The following URB1 variants were observed in gnomAD, a reference collection of about 807,000 sequenced individuals.
URB1 encodes nucleolar pre-ribosomal-associated protein 1.
A neutral mutation model predicts 242.3 loss-of-function variants in URB1; 197 were observed. The ratio of observed to expected loss-of-function variants is 0.81; its 90% CI spans 0.72 to 0.91. The LOEUF is 0.91. URB1 is among the 40% of genes least tolerant of loss of function. The pLI, the probability that URB1 is intolerant of heterozygous loss-of-function variation, is 0.00. For synonymous variants in URB1, 1,153 were observed against 1,201.8 expected (o/e 0.96, Z 0.84); for missense variants, 2,721 against 2,860.5 (o/e 0.95, Z 1.11).
chr21:32,345,284 T>C (rs574488560), intron 23 of URB1, 90 bp downstream of exon 23: 6 of 1,365,794 alleles, frequency 4.4e-6, no homozygotes, highest in African/African-American at 1.4e-5. Context: ...ACAACAGTAA[T>C]GCAGCAGTTT....
In URB1 at chr21:32,314,831, G is replaced by A; in HGVS notation, c.*87C>T. The A allele has an allele frequency of 6.7e-7, 1 of 1,502,302 alleles. No homozygotes were observed. Among genetic ancestry groups the A allele is most frequent in the South Asian group, 1.3e-5 (1 of 77,326 alleles). 93.1% of individuals were successfully genotyped at this position (1,502,302 alleles called of 1,614,324 possible). On this transcript the variant is annotated 3_prime_UTR_variant, in exon 39 of 39. Coordinates refer to ENST00000382751, the MANE Select transcript of URB1 (RefSeq NM_014825.3). ...CCTGTTGTTTCCCATGCCTTCTCTG[G>A]AAACCCTTGACTCAACCAAACTTCT...
chr21:32,341,661 G>C (rs769797586), intron 24 of URB1, 137 bp from the exon 25 acceptor site: 1 of 741,848 alleles, frequency 1.3e-6, no homozygotes, highest in Non-Finnish European at 2.2e-6. Flanking sequence ...CATGATCAAA[G>C]GGTTGAAAAG....
chr21:32,368,212 C>G (rs771399814), intron 9 of URB1, among the ~76,000 whole-genome samples, 191 bp downstream of exon 9: 1 of 151,926 alleles, frequency 6.6e-6, no homozygotes, highest in Non-Finnish European at 1.5e-5. Context: ...GGATTACAGG[C>G]GCACACCACC....
intron 31 of URB1, 72 bp downstream of exon 31, chr21:32,325,157 C>A (rs199752965): frequency 2.6e-5 from 38 of 1,475,308 alleles, no homozygotes; most frequent in Non-Finnish European, 3.4e-5. Flanking sequence ...TCTACCAAAC[C>A]GGGTGGACAG....
chr21:32,392,535 T>C (rs2033651284), intron 1 of URB1, among the ~76,000 whole-genome samples: 1 of 152,180 alleles, frequency 6.6e-6, no homozygotes, highest in Non-Finnish European at 1.5e-5. Flanking sequence ...GGGAAATAAA[T>C]GTGTTGTAAC....
At chr21:32,329,342 T>C (rs1053727739) in intron 30 of URB1, among the ~76,000 whole-genome samples, 12 of 152,192 alleles carry the variant, frequency 7.9e-5, no homozygotes, top group African/African-American at 2.9e-4. Context: ...AAATCTTCCT[T>C]ACACCTCTTT....
Position 32,319,300 on chromosome 21 carries a change from G to T in URB1, c.5709C>A (p.Ser1903Arg), listed in dbSNP as rs1454106105. Residue 1903 changes from serine to arginine, a missense_variant, in exon 36 of 39, where the codon AGC becomes AGA. Coordinates refer to ENST00000382751, the MANE Select transcript of URB1 (RefSeq NM_014825.3). ...CAAGCCGCTTGGCAGGCTCCTGGGAGCTAGGCTGGCAAAGGCGCTGGCTCT... is the reference window on the plus strand; with the variant it reads ...CAAGCCGCTTGGCAGGCTCCTGGGATCTAGGCTGGCAAAGGCGCTGGCTCT... ...EWESQRLCQP[S>R]SQEPAKRLAL... 2.6e-6 allele frequency: 4 copies of T among 1,551,258 alleles called. No individual in the cohort carries two copies. Among genetic ancestry groups the T allele is most frequent in the Middle Eastern group, 3.3e-4 (2 of 5,990 alleles).
chr21:32,360,928 C>G, intron 13 of URB1, 79 bp downstream of exon 13: 1 of 1,031,458 alleles, frequency 9.7e-7, no homozygotes, highest in Non-Finnish European at 1.4e-6. Flanking sequence ...ACCAGCCTTC[C>G]TGATTCTTGG....
chr21:32,347,575 C>T lies in URB1; in HGVS notation c.3249G>A (p.Val1083=), dbSNP rs1231514882. ...ARYSEAITQS[V]LKELQNRRAG... ...CCCTCCTGTTCTGAAGTTCCTTCAG[C>T]ACACTCTGGGTGATGGCCTCTGAGT... The change falls in exon 22 of 39, where the codon GTG becomes GTA. Residue 1083 remains valine (V), a synonymous_variant. Coordinates refer to ENST00000382751, the MANE Select transcript of URB1 (RefSeq NM_014825.3). 4.5e-6 allele frequency: 7 copies of T among 1,551,326 alleles called. No individual in the cohort carries two copies. The highest frequency in any genetic ancestry group is 6.1e-6 in the Non-Finnish European group (7 of 1,146,786).
chr21:32,328,329 G>C (rs1473815021), intron 30 of URB1, among the ~76,000 whole-genome samples: 1 of 152,096 alleles, frequency 6.6e-6, no homozygotes, highest in Admixed American at 6.5e-5. Flanking sequence ...GTAGAGACGG[G>C]GTTTCACCAT....
In URB1 at chr21:32,345,652, T is replaced by C. The variant is rs915639460; in HGVS notation, c.3869-77A>G. On this transcript the variant is annotated intron_variant, in intron 22 of 38. Transcript: ENST00000382751. The stretch of plus-strand genomic sequence containing the variant: ...CCAGCTTGGACCAGCTCCTAGGAAC[T>C]GGTTGCTATATTTTAGGTATCCTGT... 5 of 1,411,254 alleles carry C rather than the reference T, an allele frequency of 3.5e-6. No individual in the cohort carries two copies. In the Admixed American group the frequency reaches 1.0e-4, roughly 28 times the overall value. 87.4% of individuals were successfully genotyped at this position (1,411,254 alleles called of 1,614,324 possible).
intron 13 of URB1, among the ~76,000 whole-genome samples, chr21:32,360,712 G>T (rs1268266719): frequency 6.6e-6 from 1 of 152,180 alleles, no homozygotes; most frequent in Admixed American, 6.5e-5. Flanking sequence ...CCCTTGAAAA[G>T]TGACTTTAGA....
In URB1 at chr21:32,378,455, C is replaced by T; in HGVS notation, c.654G>A (p.Leu218=). Residue 218 remains leucine (L), a synonymous_variant, in exon 5 of 39, where the codon TTG becomes TTA. Coordinates refer to ENST00000382751, the MANE Select transcript of URB1 (RefSeq NM_014825.3). ...AGGGAGTACACCTACCTTTCACTTC[C>T]AACACCTGCACTATAGTGCTGTCAT... is the stretch of plus-strand genomic sequence containing the variant. ...AGDDSTIVQV[L]EVKEFIPCIF... 1 of 1,551,584 alleles carries T rather than the reference C, an allele frequency of 6.4e-7. No individual in the cohort carries two copies. Among genetic ancestry groups the T allele is most frequent in the Non-Finnish European group, 8.7e-7 (1 of 1,146,904 alleles).
intron 29 of URB1, 117 bp downstream of exon 29, chr21:32,334,046 A>G (rs1006762860): frequency 1.4e-5 from 18 of 1,284,328 alleles, no homozygotes; most frequent in Non-Finnish European, 1.6e-5. Flanking sequence ...TTTATATATG[A>G]TAAGATTCTT....
chr21:32,318,029 A>G (rs2032715385), intron 36 of URB1, 112 bp from the exon 37 acceptor site: 1 of 1,393,558 alleles, frequency 7.2e-7, no homozygotes, highest in South Asian at 1.4e-5. Flanking sequence ...CAGTCCCTCC[A>G]GGAACCAGGT....
At chr21:32,364,578 A>C (rs1601147810) in intron 10 of URB1, among the ~76,000 whole-genome samples, 1 of 152,342 alleles carries the variant, frequency 6.6e-6, no homozygotes, top group East Asian at 1.9e-4. Flanking sequence ...ATCCTAAGCC[A>C]AGAATGGCCA....
rs763818719 is a variant in URB1, at chr21:32,372,666, C to T, written c.877-35G>A. 8 of 1,540,556 alleles carry T rather than the reference C, an allele frequency of 5.2e-6. No homozygotes were observed. In the Middle Eastern group the frequency reaches 1.0e-3, roughly 194 times the overall value. On this transcript the variant is annotated intron_variant, in intron 7 of 38. Coordinates refer to ENST00000382751, the MANE Select transcript of URB1 (RefSeq NM_014825.3). ...TTTTTTAAAAATTCAATGAAAATCC[C>T]AAGCTCATACACTTTAGTAAGAGCT... is the stretch of plus-strand genomic sequence containing the variant.
intron 21 of URB1, 21 bp downstream of exon 21, chr21:32,349,283 C>T: frequency 6.6e-7 from 1 of 1,511,362 alleles, no homozygotes; most frequent in South Asian, 1.3e-5. Flanking sequence ...GAATAGGCTA[C>T]CAGGCAACCT....
rs1299039271 is a variant in URB1 at position 32,354,969 on chromosome 21, T to C, written c.2135A>G (p.Tyr712Cys). 4 of 1,551,704 alleles carry C rather than the reference T, an allele frequency of 2.6e-6. No homozygotes were observed. Among genetic ancestry groups the C allele is most frequent in the African/African-American group, 1.4e-5 (1 of 73,138 alleles). Residue 712 changes from tyrosine to cysteine, a missense_variant, in exon 17 of 39, where the codon TAT (tyrosine) becomes TGT (cysteine). Coordinates refer to ENST00000382751, the MANE Select transcript of URB1 (RefSeq NM_014825.3). ...RILLTLVANP[Y>C]SYTDKASDFV... Reference sequence around the variant, plus strand: ...GTCAGATGCTTTGTCTGTGTATGAATAGGGATTCGCCACCAATGTCAATAA... The same window carrying C: ...GTCAGATGCTTTGTCTGTGTATGAACAGGGATTCGCCACCAATGTCAATAA...
Sources: allele counts gnomAD v4.1 joint callset (sites outside exome capture counted in the v4.1 genomes callset), GRCh38; gene constraint gnomAD v4.1.1; transcripts MANE v1.5; gene names NCBI Gene and HGNC (gene_info 2026-07-23, HGNC 2026-07-21).